Variants in CALN1 observed in about 807,000 individuals in gnomAD.
CALN1 encodes calcium-binding protein 8.
CALN1 carries 17 observed loss-of-function variants against 30.6 expected under a neutral mutation model. The observed-to-expected ratio is 0.56, with a 90% CI of 0.38 to 0.83. The LOEUF (loss-of-function observed/expected upper bound fraction) is 0.83, where lower values mean the gene tolerates loss of function less well. CALN1 is among the 40% of genes least tolerant of loss of function. CALN1 has a pLI of 0.00. For missense variants in CALN1, 291 were observed against 354.9 expected (o/e 0.82, Z 1.45); for synonymous variants, 156 against 131.4 (o/e 1.19, Z -1.28).
intron 5 of CALN1, among the ~76,000 whole-genome samples, chr7:71,948,227 T>G (rs1354119360): frequency 1.2e-5 from 1 of 85,084 alleles, no homozygotes; most frequent in African/African-American, 4.3e-5. Context: ...ACAAGGACTC[T>G]GTTCTGAGTG....
chr7:72,229,180 T>A (rs769928017), intron 3 of CALN1, among the ~76,000 whole-genome samples: 1 of 152,030 alleles, frequency 6.6e-6, no homozygotes, highest in African/African-American at 2.4e-5. Context: ...TCTCCAAAGA[T>A]GACCATGTCC....
chr7:72,104,952 G>A (rs754401228), intron 4 of CALN1, among the ~76,000 whole-genome samples: 13 of 151,326 alleles, frequency 8.6e-5, no homozygotes, highest in African/African-American at 2.7e-4. Context: ...GAGAGACTCC[G>A]TCTCTAAAAT....
At chr7:72,319,719 AAGAAC>A (rs1254167269) in intron 2 of CALN1, among the ~76,000 whole-genome samples, 1 of 152,212 alleles carries the variant, frequency 6.6e-6, no homozygotes, top group Non-Finnish European at 1.5e-5. Context: ...TAATTTTTAA[AAGAAC>A]AGAGGTAAAT....
At chr7:72,494,922 A>C in the CALN1 span, among the ~76,000 whole-genome samples, 81 of 152,240 alleles carry the variant, frequency 5.3e-4, no homozygotes, top group Non-Finnish European at 9.0e-4. Context: ...GTCCTCCCCA[A>C]GGGCTGTGTG....
At chr7:72,288,043 T>C (rs1413862375) in intron 2 of CALN1, among the ~76,000 whole-genome samples, 2 of 151,970 alleles carry the variant, frequency 1.3e-5, no homozygotes, top group Non-Finnish European at 3.0e-5. Context: ...AAATATTTAT[T>C]ATCTCAGGTT....
intron 6 of CALN1, among the ~76,000 whole-genome samples, chr7:71,788,851 G>A (rs1164927107): frequency 6.6e-6 from 1 of 151,902 alleles, no homozygotes; most frequent in Non-Finnish European, 1.5e-5. Flanking sequence ...GTAGAGATGG[G>A]GTTTCACCAC....
Position 71,787,718 on chromosome 7 carries a change from C to A in CALN1, c.*57G>T, listed in dbSNP as rs796793798. On this transcript the variant is annotated 3_prime_UTR_variant, in exon 7 of 7. Coordinates refer to ENST00000395275, the MANE Select transcript of CALN1 (RefSeq NM_031468.4). Reference sequence around the variant, plus strand: ...TCTGCTGTGTGGAGGAAGAGTCTGCCCGCACGGCATGCACATGCGCGGTGA... The same window carrying A: ...TCTGCTGTGTGGAGGAAGAGTCTGCACGCACGGCATGCACATGCGCGGTGA... 58 of 1,600,448 alleles carry A rather than the reference C, an allele frequency of 3.6e-5. No homozygotes were observed. In the African/African-American group the frequency reaches 7.2e-4, roughly 20 times the overall value.
At chr7:72,499,406 A>G in the CALN1 span, among the ~76,000 whole-genome samples, 4 of 152,126 alleles carry the variant, frequency 2.6e-5, no homozygotes, top group African/African-American at 7.2e-5. Flanking sequence ...TTAATTAATA[A>G]TTGATTGATT....
chr7:72,325,831 G>C (rs1801237218), intron 2 of CALN1, among the ~76,000 whole-genome samples: 1 of 152,116 alleles, frequency 6.6e-6, no homozygotes, highest in African/African-American at 2.4e-5. Flanking sequence ...AAACAGGCTT[G>C]AAAATGCAAT....
At chr7:72,192,387 G>A (rs1231949425) in intron 3 of CALN1, among the ~76,000 whole-genome samples, 1 of 152,130 alleles carries the variant, frequency 6.6e-6, no homozygotes, top group Non-Finnish European at 1.5e-5. Flanking sequence ...GTTCTGTTCT[G>A]AGAATTAGGA....
intron 2 of CALN1, among the ~76,000 whole-genome samples, chr7:72,292,555 TTA>T (rs1189854229): frequency 6.6e-6 from 1 of 151,208 alleles, no homozygotes; most frequent in Non-Finnish European, 1.5e-5. Flanking sequence ...GTGCAGTGGC[TTA>T]TGCCTGTAAT....
the CALN1 span, among the ~76,000 whole-genome samples, chr7:72,468,732 T>A: frequency 6.6e-6 from 1 of 151,792 alleles, no homozygotes; most frequent in Admixed American, 6.6e-5. Flanking sequence ...AACACTTAAA[T>A]TTTTTTTTAA....
chr7:71,810,836 T>C (rs13228423), intron 5 of CALN1, among the ~76,000 whole-genome samples: 53,676 of 151,570 alleles, frequency 0.35, 10,156 homozygotes, highest in East Asian at 0.6. Context: ...TGCATACGTC[T>C]CTAAAATTTT....
chr7:72,121,192 A>C (rs1186777707), intron 3 of CALN1, among the ~76,000 whole-genome samples: 1 of 144,416 alleles, frequency 6.9e-6, no homozygotes, highest in Non-Finnish European at 1.5e-5. Flanking sequence ...ATTATGTATT[A>C]TATTATATAT....
chr7:72,024,683 G>A (rs1800936827), intron 4 of CALN1, among the ~76,000 whole-genome samples: 2 of 152,176 alleles, frequency 1.3e-5, no homozygotes, highest in African/African-American at 2.4e-5. Flanking sequence ...ACAGGAGTGA[G>A]CCACCATGCC....
chr7:72,495,872 A>G, the CALN1 span, among the ~76,000 whole-genome samples: 5 of 152,286 alleles, frequency 3.3e-5, no homozygotes, highest in Middle Eastern at 6.8e-3. Flanking sequence ...TCAGATTTGT[A>G]TATCATGGGC....
At position 72,249,255 on chromosome 7, in the gene CALN1, G is replaced by A. The variant is rs567718114; in HGVS notation, c.244+29431C>T. Among the ~76,000 whole-genome samples the A allele has an allele frequency of 2.6e-5, 4 of 152,246 alleles. No homozygotes were observed. The East Asian group carries it at 7.7e-4, about 29-fold the overall frequency. On this transcript the variant is annotated intron_variant, in intron 3 of 6. Transcript: ENST00000395275. ...TCACCAGACCCTCCACTCCAGTCGT[G>A]AGCAACAGAGGTGTCATCTTCCTGT...
intron 4 of CALN1, among the ~76,000 whole-genome samples, chr7:72,057,383 C>CTTTTTTT (rs60838093): frequency 7.3e-4 from 74 of 101,798 alleles, no homozygotes; most frequent in East Asian, 1.8e-3. Context: ...TTTAAATGTT[C>CTTTTTTT]TTTTTTTTTT....
intron 3 of CALN1, among the ~76,000 whole-genome samples, chr7:72,111,753 CTTTTTT>C (rs34426806): frequency 6.9e-6 from 1 of 145,070 alleles, no homozygotes; most frequent in South Asian, 2.2e-4. Context: ...TTTTTTCTTT[CTTTTTT>C]TTTTTGTTGG....
Sources: gnomAD v4.1 joint callset for allele counts (sites outside exome capture counted in the v4.1 genomes callset) on GRCh38, gnomAD v4.1.1 for gene constraint, MANE v1.5 for transcripts, NCBI Gene and HGNC (gene_info 2026-07-23, HGNC 2026-07-21) for gene names.